TG: variants seen among roughly 807,000 people sequenced by gnomAD.
TG encodes the protein thyroid hormones.
In TG, 270 loss-of-function variants were observed where a neutral mutation model predicts 324.7. That is an observed-to-expected ratio of 0.83 (90% CI 0.75 to 0.92). The LOEUF (loss-of-function observed/expected upper bound fraction) is 0.92, where lower values mean the gene tolerates loss of function less well. Ranked by LOEUF, TG falls within the 40% of genes least tolerant of loss-of-function variation. TG has a pLI of 0.00. For missense variants in TG, 3,591 were observed against 3,456.4 expected (o/e 1.04, Z -0.98); for synonymous variants, 1,401 against 1,327.0 (o/e 1.06, Z -1.21).
intron 4 of TG, 102 bp downstream of exon 4, chr8:132,871,653 G>T: frequency 1.7e-6 from 2 of 1,147,122 alleles, no homozygotes; most frequent in Non-Finnish European, 2.5e-6. Flanking sequence ...AGTGGGCAGA[G>T]AACCAGGCCC....
intron 35 of TG, among the ~76,000 whole-genome samples, chr8:132,999,481 C>T (rs959685262): frequency 6.6e-6 from 1 of 152,170 alleles, no homozygotes; most frequent in Admixed American, 6.5e-5. Flanking sequence ...ATACAAACTC[C>T]CTGTCAAGCT....
Position 133,008,964 on chromosome 8 carries a change from A to T in TG, c.6263-2937A>T, listed in dbSNP as rs76011752. The stretch of plus-strand genomic sequence containing the variant: ...CATGAGATACTTGTGGACCTCCCAG[A>T]TGTTGGATTCTGCACAAAAGCAGTG... On this transcript the variant is annotated intron_variant, in intron 35 of 47. Coordinates refer to ENST00000220616, the MANE Select transcript of TG (RefSeq NM_003235.5). 2.6e-5 allele frequency among the ~76,000 whole-genome samples: 4 copies of T among 152,318 alleles called. No homozygotes were observed. In the East Asian group the frequency reaches 7.7e-4, roughly 29 times the overall value.
At chr8:132,924,305 G>T (rs1821518010) in intron 22 of TG, among the ~76,000 whole-genome samples, 1 of 152,144 alleles carries the variant, frequency 6.6e-6, no homozygotes, top group Non-Finnish European at 1.5e-5. Context: ...CTCTCCCAAT[G>T]CTCACCTCCT....
chr8:133,047,805 G>A, intron 41 of TG: 2 of 1,284,722 alleles, frequency 1.6e-6, no homozygotes, highest in Non-Finnish European at 2.3e-6. Context: ...CCCGGATGGG[G>A]AAAGATGAGT....
chr8:133,075,489 TG>T, intron 41 of TG, among the ~76,000 whole-genome samples: 1 of 152,246 alleles, frequency 6.6e-6, no homozygotes, highest in East Asian at 1.9e-4. Context: ...AGATGGCAGT[TG>T]TTTGAATATA....
In TG at chr8:132,888,588, G is replaced by A; in HGVS notation, c.2761+20G>A. On this transcript the variant is annotated intron_variant, in intron 10 of 47. Transcript: ENST00000220616. ...CAACATGTGAGCTAACGCATATGAA[G>A]AGTTAAATGTGTGTGTGTGTGTGTG... 6.3e-7 allele frequency: 1 copy of A among 1,590,178 alleles called. No homozygotes were observed. Among genetic ancestry groups the A allele is most frequent in the Non-Finnish European group, 8.5e-7 (1 of 1,170,950 alleles).
At chr8:133,106,933 AAGG>A (rs1311272085) in intron 43 of TG, among the ~76,000 whole-genome samples, 1 of 152,200 alleles carries the variant, frequency 6.6e-6, no homozygotes, top group Non-Finnish European at 1.5e-5. Context: ...GATGAACAGC[AAGG>A]GCCTGCAGCC....
Position 133,013,696 on chromosome 8 carries a change from A to G in TG, c.6494A>G (p.His2165Arg), listed in dbSNP as rs1361404486. ...MFYADTQSCT[H>R]SLQGQNCRLL... ...TATGCTGATACTCAAAGCTGCACAC[A>G]TAGTCTGCAGGGTCAGAACTGCCGA... The change falls in exon 37 of 48, where the codon CAT (histidine) becomes CGT (arginine). Residue 2165 changes from histidine (H) to arginine (R), a missense_variant. His to Arg is a conservative substitution (Grantham distance 29, BLOSUM62 0). Transcript: ENST00000220616. The G allele has an allele frequency of 6.2e-7, 1 of 1,614,026 alleles. No homozygotes were observed. The highest frequency in any genetic ancestry group is 8.5e-7 in the Non-Finnish European group (1 of 1,180,046).
chr8:132,902,282 T>G (rs1818034122), intron 16 of TG, among the ~76,000 whole-genome samples: 1 of 152,244 alleles, frequency 6.6e-6, no homozygotes, highest in Admixed American at 6.5e-5. Context: ...TTTGATGTTC[T>G]TATTCTTTCC....
At chr8:132,975,983 T>C (rs1400867108) in intron 34 of TG, among the ~76,000 whole-genome samples, 1 of 152,256 alleles carries the variant, frequency 6.6e-6, no homozygotes, top group Non-Finnish European at 1.5e-5. Flanking sequence ...AGTTATATAC[T>C]GTACTGGGCA....
chr8:133,069,640 G>A (rs1843650778), intron 41 of TG, among the ~76,000 whole-genome samples: 1 of 152,104 alleles, frequency 6.6e-6, no homozygotes, highest in South Asian at 2.1e-4. Context: ...CAGCCAGCAG[G>A]TTTGTTTCTA....
At chr8:133,126,880 G>A (rs1246524972) in intron 45 of TG, among the ~76,000 whole-genome samples, 2 of 152,118 alleles carry the variant, frequency 1.3e-5, no homozygotes, top group Admixed American at 6.5e-5. Context: ...TTCCTTTGGA[G>A]GAAGCTATGG....
chr8:132,867,195 C>A, intron 1 of TG, 128 bp downstream of exon 1: 2 of 645,562 alleles, frequency 3.1e-6, no homozygotes, highest in Non-Finnish European at 4.9e-6. Context: ...CAGTGATTTG[C>A]TTTTTTTTTT....
At chr8:133,024,818 C>A (rs145329562) in intron 40 of TG, among the ~76,000 whole-genome samples, 3 of 152,002 alleles carry the variant, frequency 2.0e-5, no homozygotes, top group African/African-American at 7.3e-5. Context: ...CAGTGATGGG[C>A]GTTTGGGTTG....
At chr8:132,955,536 G>C (rs885194) in intron 27 of TG, among the ~76,000 whole-genome samples, 46,251 of 152,106 alleles carry the variant, frequency 0.3, 9,283 homozygotes, top group African/African-American at 0.56. Context: ...GCCAGCATAG[G>C]AGTGACACTG....
At chr8:133,080,056 CAT>C (rs1406954014) in intron 41 of TG, among the ~76,000 whole-genome samples, 1 of 151,976 alleles carries the variant, frequency 6.6e-6, no homozygotes, top group Non-Finnish European at 1.5e-5. Context: ...TGAGTAAAGT[CAT>C]AGAAGGGAAC....
intron 8 of TG, among the ~76,000 whole-genome samples, chr8:132,885,817 A>G (rs375941237): frequency 2.6e-5 from 4 of 152,154 alleles, no homozygotes; most frequent in African/African-American, 9.7e-5. Context: ...TGAAGGTTCT[A>G]TGGCAGAATT....
chr8:133,049,482 C>G, intron 41 of TG: 1 of 283,140 alleles, frequency 3.5e-6, no homozygotes, highest in South Asian at 3.6e-5. Context: ...ATGTTATGAT[C>G]TCTACTTGAC....
At chr8:132,941,243 G>A (rs1824403902) in intron 25 of TG, 108 bp from the exon 26 acceptor site, 2 of 1,331,282 alleles carry the variant, frequency 1.5e-6, no homozygotes, top group East Asian at 4.6e-5. Context: ...ACGCTGCCTG[G>A]AGCACTGTTG....
Sources: allele counts gnomAD v4.1 joint callset (sites outside exome capture counted in the v4.1 genomes callset), GRCh38; gene constraint gnomAD v4.1.1; transcripts MANE v1.5; gene names NCBI Gene and HGNC (gene_info 2026-07-23, HGNC 2026-07-21).